The following MAP2K1 variants were observed in gnomAD, a reference collection of about 807,000 sequenced individuals.
MAP2K1 encodes mitogen-activated protein kinase kinase 1.
MAP2K1 carries 16 observed loss-of-function variants against 46.3 expected under a neutral mutation model. The ratio of observed to expected loss-of-function variants is 0.35; its 90% CI spans 0.23 to 0.52. The LOEUF (loss-of-function observed/expected upper bound fraction) is 0.52, where lower values mean the gene tolerates loss of function less well. MAP2K1 is among the 20% of genes least tolerant of loss of function. The probability of loss-of-function intolerance (pLI) is 0.94; values close to 1 mark genes in which losing one functional copy is unlikely to be tolerated. For missense variants in MAP2K1, 263 were observed against 497.1 expected, an observed-to-expected ratio of 0.53 and a Z score of 4.48; for synonymous variants, 183 against 185.6, an observed-to-expected ratio of 0.99 and a Z score of 0.11.
chr15:66,466,813 C>T (rs1006689461), intron 5 of MAP2K1, among the ~76,000 whole-genome samples: 72 of 152,322 alleles, frequency 4.7e-4, no homozygotes, highest in African/African-American at 1.6e-3. Flanking sequence ...CCTGTAAGTT[C>T]AGTTCATGCA....
At chr15:66,427,929 G>A (rs565021086) in intron 1 of MAP2K1, among the ~76,000 whole-genome samples, 2 of 152,206 alleles carry the variant, frequency 1.3e-5, no homozygotes, top group South Asian at 2.1e-4. Context: ...CAGGAGAATC[G>A]TTTGAACCCA....
intron 5 of MAP2K1, among the ~76,000 whole-genome samples, chr15:66,462,453 C>T (rs1892347474): frequency 1.4e-5 from 2 of 143,314 alleles, no homozygotes; most frequent in African/African-American, 2.7e-5. Flanking sequence ...GCCGAGATCG[C>T]ACCAGTGCAC....
intron 1 of MAP2K1, among the ~76,000 whole-genome samples, chr15:66,430,608 A>G (rs561935646): frequency 6.6e-6 from 1 of 152,244 alleles, no homozygotes; most frequent in East Asian, 1.9e-4. Context: ...CTCTCCTAGG[A>G]GTTAGGAGAC....
At chr15:66,445,970 T>C (rs1891856820) in intron 5 of MAP2K1, among the ~76,000 whole-genome samples, 2 of 152,090 alleles carry the variant, frequency 1.3e-5, no homozygotes, top group South Asian at 4.1e-4. Context: ...ATGCCTGTAA[T>C]CCCAGCATTT....
intron 1 of MAP2K1, among the ~76,000 whole-genome samples, chr15:66,402,450 A>G (rs1264769792): frequency 1.3e-5 from 2 of 152,214 alleles, no homozygotes; most frequent in Non-Finnish European, 2.9e-5. Context: ...TTTATCTACT[A>G]AAACTTTTAA....
chr15:66,485,088 T>C lies in MAP2K1; in HGVS notation c.792T>C (p.Pro264=), dbSNP rs764379969. ...VEMAVGRYPI[P]PPDAKELELM... ...TGGCGGTTGGGAGGTATCCCATCCCTCCTCCAGATGCCAAGGAGCTGGAGC... is the reference window on the plus strand; with the variant it reads ...TGGCGGTTGGGAGGTATCCCATCCCCCCTCCAGATGCCAAGGAGCTGGAGC... The change falls in exon 7 of 11, where the codon CCT becomes CCC. Residue 264 remains proline (P), a synonymous_variant. Transcript: ENST00000307102. The C allele has an allele frequency of 1.2e-6, 2 of 1,613,910 alleles. No homozygotes were observed. The highest frequency in any genetic ancestry group is 2.2e-5 in the South Asian group (2 of 91,064).
intron 5 of MAP2K1, among the ~76,000 whole-genome samples, chr15:66,468,004 A>G (rs8039880): frequency 0.21 from 31,964 of 152,248 alleles, 3,448 homozygotes; most frequent in East Asian, 0.38. Context: ...TACCCTGGCT[A>G]TTCTTAAGGC....
intron 5 of MAP2K1, among the ~76,000 whole-genome samples, chr15:66,460,588 T>A (rs1892292521): frequency 6.6e-6 from 1 of 152,174 alleles, no homozygotes; most frequent in Non-Finnish European, 1.5e-5. Context: ...AGGAGGGTCT[T>A]CACTGCCATG....
intron 1 of MAP2K1, among the ~76,000 whole-genome samples, chr15:66,419,499 G>A (rs924282047): frequency 1.3e-5 from 2 of 151,468 alleles, no homozygotes; most frequent in Non-Finnish European, 2.9e-5. Flanking sequence ...CAGCCTGTGT[G>A]ACGGGAGCGA....
chr15:66,410,396 A>C (rs1195563174), intron 1 of MAP2K1, among the ~76,000 whole-genome samples: 1 of 152,128 alleles, frequency 6.6e-6, no homozygotes, highest in Non-Finnish European at 1.5e-5. Flanking sequence ...GAGCGATAGG[A>C]TTTAACTTTT....
At chr15:66,461,881 T>C (rs1892332090) in intron 5 of MAP2K1, among the ~76,000 whole-genome samples, 3 of 152,188 alleles carry the variant, frequency 2.0e-5, no homozygotes, top group African/African-American at 7.2e-5. Flanking sequence ...TATTTCTGAA[T>C]CTCACCTTCT....
At chr15:66,472,956 A>G (rs1892676233) in intron 5 of MAP2K1, among the ~76,000 whole-genome samples, 1 of 152,120 alleles carries the variant, frequency 6.6e-6, no homozygotes, top group African/African-American at 2.4e-5. Context: ...CACCCACCTC[A>G]CTACCTCCCA....
chr15:66,473,826 C>T (rs1172546844), intron 5 of MAP2K1, among the ~76,000 whole-genome samples: 1 of 152,064 alleles, frequency 6.6e-6, no homozygotes, highest in Non-Finnish European at 1.5e-5. Context: ...TACCGGTGCA[C>T]ACCACCATGC....
intron 5 of MAP2K1, among the ~76,000 whole-genome samples, chr15:66,463,263 A>C (rs1370348851): frequency 6.6e-6 from 1 of 152,250 alleles, no homozygotes; most frequent in Non-Finnish European, 1.5e-5. Flanking sequence ...AAGAGAGAAG[A>C]TATCTCGATT....
intron 5 of MAP2K1, among the ~76,000 whole-genome samples, chr15:66,480,956 ATGTT>A (rs1353815775): frequency 6.6e-6 from 1 of 152,192 alleles, no homozygotes; most frequent in Non-Finnish European, 1.5e-5. Flanking sequence ...GGAAGAAAAA[ATGTT>A]TGGAAATTTA....
rs2093364042 is a variant in MAP2K1 at position 66,394,894 on chromosome 15, G to C, written c.80+7467G>C. Among the ~76,000 whole-genome samples, 3 of 152,230 alleles carry C rather than the reference G, an allele frequency of 2.0e-5. No homozygotes were observed. The South Asian group carries it at 6.2e-4, about 32-fold the overall frequency. On this transcript the variant is annotated intron_variant, in intron 1 of 10. Coordinates refer to ENST00000307102, the MANE Select transcript of MAP2K1 (RefSeq NM_002755.4). ...ATGTGAAAAAGGCCTGCTTAAGCCT[G>C]TGTCTTTGGGAAGAACATCTCTGCC...
intron 1 of MAP2K1, among the ~76,000 whole-genome samples, chr15:66,422,430 C>T (rs924668751): frequency 3.9e-5 from 6 of 152,174 alleles, no homozygotes; most frequent in African/African-American, 1.4e-4. Context: ...GAGTATTTCA[C>T]AGTTGCTTGA....
chr15:66,436,888 A>G lies in MAP2K1; in HGVS notation c.434A>G (p.His145Arg), dbSNP rs771604017. 1 of 1,614,018 alleles carries G rather than the reference A, an allele frequency of 6.2e-7. No homozygotes were observed. The highest frequency in any genetic ancestry group is 1.3e-5 in the African/African-American group (1 of 74,932). ...SDGEISICME[H>R]MDGGSLDQVL... ...GGCGAGATCAGTATCTGCATGGAGC[A>G]CATGGTATGTGACACCCTCTCAGCC... The change falls in exon 3 of 11, where the codon CAC becomes CGC. Residue 145 changes from histidine to arginine, a missense_variant. Around this residue, in one of 4 missense-constraint regions of MAP2K1, gnomAD observed 103 missense variants for 221.6 expected, o/e 0.46. Coordinates refer to ENST00000307102, the MANE Select transcript of MAP2K1 (RefSeq NM_002755.4).
chr15:66,472,762 A>G (rs1225683638), intron 5 of MAP2K1, among the ~76,000 whole-genome samples: 1 of 152,126 alleles, frequency 6.6e-6, no homozygotes, highest in African/African-American at 2.4e-5. Flanking sequence ...TAGTTTCTTG[A>G]CCTTTTTTCC....
Sources: allele counts gnomAD v4.1 joint callset (sites outside exome capture counted in the v4.1 genomes callset), GRCh38; gene constraint gnomAD v4.1.1; regional missense constraint gnomAD v4.1.1; transcripts MANE v1.5; gene names NCBI Gene and HGNC (gene_info 2026-07-23, HGNC 2026-07-21).